MROH2B: variants seen among roughly 807,000 people sequenced by gnomAD.
The protein encoded by MROH2B is maestro heat-like repeat-containing protein family member 2B.
Under a neutral mutation model 208.6 loss-of-function variants are expected in MROH2B, and 177 were observed. The observed-to-expected ratio is 0.85, with a 90% confidence interval of 0.75 to 0.96. MROH2B has a LOEUF of 0.96. Ranked by LOEUF, MROH2B falls within the 40% of genes least tolerant of loss-of-function variation. The probability of loss-of-function intolerance (pLI) is 0.00; values close to 1 mark genes in which losing one functional copy is unlikely to be tolerated. For missense variants in MROH2B, 2,002 were observed against 1,878.7 expected, an observed-to-expected ratio of 1.07 and a Z score of -1.21; for synonymous variants, 728 against 659.0, an observed-to-expected ratio of 1.10 and a Z score of -1.60.
intron 5 of MROH2B, 134 bp from the exon 6 acceptor site, chr5:41,061,858 T>A: frequency 2.1e-6 from 2 of 948,152 alleles, no homozygotes; most frequent in South Asian, 4.6e-5. Context: ...CTGCATCAAA[T>A]ACACATATAG....
intron 24 of MROH2B, among the ~76,000 whole-genome samples, chr5:41,026,776 G>C (rs1417297804): frequency 6.6e-6 from 1 of 152,090 alleles, no homozygotes; most frequent in East Asian, 1.9e-4. Context: ...CACGCTACCT[G>C]ACTTTAAACT....
intron 24 of MROH2B, among the ~76,000 whole-genome samples, chr5:41,019,351 A>AGAGT (rs1264957520): frequency 6.6e-6 from 1 of 151,568 alleles, no homozygotes; most frequent in East Asian, 1.9e-4. Flanking sequence ...TGTGAGAGAG[A>AGAGT]GTGAGAAAGA....
At chr5:41,017,445 C>A (rs1202894119) in intron 28 of MROH2B, among the ~76,000 whole-genome samples, 1 of 151,982 alleles carries the variant, frequency 6.6e-6, no homozygotes, top group Non-Finnish European at 1.5e-5. Context: ...GCTAATATGC[C>A]CAATTGCTTA....
At chr5:41,030,146 G>A (rs887524738) in intron 24 of MROH2B, among the ~76,000 whole-genome samples, 13 of 151,688 alleles carry the variant, frequency 8.6e-5, no homozygotes, top group African/African-American at 3.1e-4. Context: ...TTAAAAATGA[G>A]GAAAGGACTT....
At chr5:41,052,325 AT>A in intron 12 of MROH2B, 139 bp downstream of exon 12, 1 of 760,674 alleles carries the variant, frequency 1.3e-6, no homozygotes, top group Non-Finnish European at 1.8e-6. Context: ...GTTATTTTTA[AT>A]TTTTTTAAAA....
At chr5:41,031,542 G>A (rs532672242) in intron 24 of MROH2B, among the ~76,000 whole-genome samples, 17 of 151,984 alleles carry the variant, frequency 1.1e-4, no homozygotes, top group Non-Finnish European at 2.1e-4. Flanking sequence ...AAAAATTTTT[G>A]TGATTTCCCA....
Position 41,000,756 on chromosome 5 carries a change from A to T in MROH2B, c.4272T>A (p.Ile1424=). The T allele has an allele frequency of 6.2e-7, 1 of 1,611,676 alleles. No homozygotes were observed. The highest frequency in any genetic ancestry group is 8.5e-7 in the Non-Finnish European group (1 of 1,179,024). The part of the protein sequence containing the change: ...LAPLTGRRWK[I]FFAEEIKKSL... The stretch of plus-strand genomic sequence containing the variant: ...TCTTTTTTATTTCTTCAGCAAAAAA[A>T]ATCTTCCACCTTCTTCCTGTTAGGG... Residue 1424 remains isoleucine (I), a synonymous_variant, in exon 38 of 42, where the codon ATT becomes ATA. Coordinates refer to ENST00000399564, the MANE Select transcript of MROH2B (RefSeq NM_173489.5).
chr5:41,003,152 G>A (rs1741457744), intron 37 of MROH2B, among the ~76,000 whole-genome samples: 1 of 151,946 alleles, frequency 6.6e-6, no homozygotes, highest in South Asian at 2.1e-4. Flanking sequence ...CTACAGATGG[G>A]GTTTCACCAT....
chr5:41,026,668 T>C (rs999416400), intron 24 of MROH2B, among the ~76,000 whole-genome samples: 2 of 152,156 alleles, frequency 1.3e-5, no homozygotes, highest in South Asian at 4.2e-4. Flanking sequence ...ACTTTCTTCA[T>C]AGAATTGGGA....
intron 18 of MROH2B, among the ~76,000 whole-genome samples, chr5:41,043,853 G>T (rs1481328241): frequency 6.6e-6 from 1 of 152,122 alleles, no homozygotes; most frequent in Non-Finnish European, 1.5e-5. Context: ...AAGAGTCCTT[G>T]CATGCTTTGT....
intron 3 of MROH2B, among the ~76,000 whole-genome samples, chr5:41,066,423 C>A (rs1743817249): frequency 6.6e-6 from 1 of 152,152 alleles, no homozygotes; most frequent in South Asian, 2.1e-4. Flanking sequence ...GCATTTGAGA[C>A]TGTTTTGTTG....
At position 41,069,701 on chromosome 5, in the gene MROH2B, A is replaced by T. The variant is rs372226403; in HGVS notation, c.80T>A (p.Ile27Asn). Residue 27 changes from isoleucine to asparagine, a missense_variant, in exon 2 of 42, where the codon ATT (isoleucine) becomes AAT (asparagine). Physicochemically the swap from Ile to Asn is moderately radical, Grantham distance 149. Transcript: ENST00000399564. ...CTCTGTTTTCCCTACCTTGTTAACA[A>T]TATCTTCCTTGTTCAGCATGCCAAG... ...LTLGMLNKED[I>N]VNKEDIYSHL... The T allele has an allele frequency of 6.2e-7, 1 of 1,605,138 alleles. No homozygotes were observed. Among genetic ancestry groups the T allele is most frequent in the Non-Finnish European group, 8.5e-7 (1 of 1,174,906 alleles).
intron 21 of MROH2B, 61 bp from the exon 22 acceptor site, chr5:41,033,925 C>T (rs1742668855): frequency 1.3e-6 from 2 of 1,544,652 alleles, no homozygotes; most frequent in African/African-American, 1.4e-5. Flanking sequence ...ATATACCCAA[C>T]CCAACAAAAG....
chr5:41,025,140 C>A (rs1488994261), intron 24 of MROH2B, among the ~76,000 whole-genome samples: 1 of 152,156 alleles, frequency 6.6e-6, no homozygotes, highest in Non-Finnish European at 1.5e-5. Context: ...GAAGCAAGAG[C>A]AAACACATTC....
At chr5:41,041,127 C>T (rs1251846550) in intron 19 of MROH2B, among the ~76,000 whole-genome samples, 1 of 151,824 alleles carries the variant, frequency 6.6e-6, no homozygotes, top group Admixed American at 6.6e-5. Context: ...TAATATCTGA[C>T]AAGAAAAAGG....
Position 41,038,754 on chromosome 5 carries a change from A to G in MROH2B, c.2196T>C (p.Leu732=), listed in dbSNP as rs1211355377. Residue 732 remains leucine, a synonymous_variant, in exon 21 of 42, where the codon CTT becomes CTC. Coordinates refer to ENST00000399564, the MANE Select transcript of MROH2B (RefSeq NM_173489.5). ...GCATTACCTGAGAGCACTGGCCATG[A>G]AGAGACAGGACTTGGGATATGATAT... ...NQDIISQVLS[L]HGQCSQVLGM... 5 of 1,612,286 alleles carry G rather than the reference A, an allele frequency of 3.1e-6. No individual in the cohort carries two copies. The highest frequency in any genetic ancestry group is 4.2e-6 in the Non-Finnish European group (5 of 1,179,192).
intron 1 of MROH2B, among the ~76,000 whole-genome samples, 173 bp downstream of exon 1, chr5:41,070,652 C>T (rs538652904): frequency 6.6e-6 from 1 of 152,214 alleles, no homozygotes; most frequent in South Asian, 2.1e-4. Context: ...ATTATTGGTC[C>T]TTCACAATCA....
intron 29 of MROH2B, among the ~76,000 whole-genome samples, 191 bp from the exon 30 acceptor site, chr5:41,012,926 C>A (rs1002329636): frequency 1.9e-4 from 29 of 152,170 alleles, no homozygotes; most frequent in African/African-American, 7.0e-4. Context: ...ACTAAGCAAA[C>A]TTTCCGTGGA....
At chr5:41,055,908 T>C (rs1165522198) in intron 9 of MROH2B, 53 bp from the exon 10 acceptor site, 3 of 1,251,384 alleles carry the variant, frequency 2.4e-6, no homozygotes, top group Admixed American at 3.4e-5. Context: ...CTAGGTAAAA[T>C]ACTTGTGAAT....
Sources: allele counts gnomAD v4.1 joint callset (sites outside exome capture counted in the v4.1 genomes callset), GRCh38; gene constraint gnomAD v4.1.1; transcripts MANE v1.5; gene names NCBI Gene and HGNC (gene_info 2026-07-23, HGNC 2026-07-21).